Variants in SPOCK3 observed in about 807,000 individuals in gnomAD.
The protein encoded by SPOCK3 is testican-3.
A neutral mutation model predicts 56.6 loss-of-function variants in SPOCK3; 30 were observed. That is an observed-to-expected ratio of 0.53 (90% confidence interval 0.40 to 0.72). The LOEUF is 0.72. Ranked by LOEUF, SPOCK3 falls within the 30% of genes least tolerant of loss-of-function variation. The pLI is 0.00. For missense variants in SPOCK3, 527 were observed against 530.0 expected (o/e 0.99, Z 0.06); for synonymous variants, 196 against 183.3 (o/e 1.07, Z -0.56).
intron 2 of SPOCK3, among the ~76,000 whole-genome samples, chr4:167,073,319 A>G (rs921184895): frequency 2.6e-5 from 4 of 151,826 alleles, no homozygotes; most frequent in Admixed American, 2.6e-4. Context: ...ATTTTCATAT[A>G]GAGTCAACAA....
At chr4:166,795,367 T>A (rs1264649911) in intron 6 of SPOCK3, among the ~76,000 whole-genome samples, 1 of 152,184 alleles carries the variant, frequency 6.6e-6, no homozygotes, top group Middle Eastern at 3.2e-3. Context: ...AAGGTTCATG[T>A]GTAATGAGAA....
chr4:166,754,920 G>T (rs1014414563), intron 7 of SPOCK3, among the ~76,000 whole-genome samples, 191 bp from the exon 8 acceptor site: 4 of 152,010 alleles, frequency 2.6e-5, no homozygotes, highest in Admixed American at 6.6e-5. Context: ...TTTCAGGATA[G>T]TTGTGAGAAT....
At chr4:166,859,793 A>T (rs916966413) in intron 6 of SPOCK3, among the ~76,000 whole-genome samples, 7 of 152,146 alleles carry the variant, frequency 4.6e-5, no homozygotes, top group African/African-American at 1.7e-4. Flanking sequence ...TAAATAGGAC[A>T]CATCTTCAGA....
intron 2 of SPOCK3, among the ~76,000 whole-genome samples, chr4:167,076,900 A>T (rs1369368910): frequency 1.3e-5 from 2 of 152,060 alleles, no homozygotes; most frequent in African/African-American, 4.8e-5. Context: ...CGATTTTTAC[A>T]TCCTTTTAGA....
At chr4:167,150,084 T>C (rs938392866) in intron 2 of SPOCK3, among the ~76,000 whole-genome samples, 3 of 152,126 alleles carry the variant, frequency 2.0e-5, no homozygotes, top group African/African-American at 7.2e-5. Context: ...TAATTTTATT[T>C]TTCAAAGAGA....
At chr4:167,066,228 A>G (rs1018260157) in intron 2 of SPOCK3, among the ~76,000 whole-genome samples, 1 of 151,890 alleles carries the variant, frequency 6.6e-6, no homozygotes, top group Non-Finnish European at 1.5e-5. Context: ...ATAGTTTCTC[A>G]GCCTTGGCAT....
chr4:167,116,909 G>GTATA lies in SPOCK3; in HGVS notation c.190-54373_190-54372insTATA, dbSNP rs1446671235. On this transcript the variant is annotated intron_variant, in intron 2 of 10. Transcript: ENST00000357545. The stretch of plus-strand genomic sequence containing the variant: ...TATACATATATACTTTTGTGTGTGT[G>GTATA]TGTGTATATATATATATATATATAC... Among the ~76,000 whole-genome samples the GTATA allele has an allele frequency of 8.2e-3, 1,011 of 123,470 alleles. 13 individuals are homozygous for GTATA. The highest frequency in any genetic ancestry group is 0.024 in the African/African-American group (865 of 35,570). The allele number at this position is 123,470 out of a possible 152,430, so 81.0% of individuals were successfully genotyped here. A position where few individuals can be genotyped will look rare whatever the true frequency, so the allele number is the denominator to read the frequency against.
At chr4:167,114,710 T>G (rs1332394072) in intron 2 of SPOCK3, among the ~76,000 whole-genome samples, 1 of 152,096 alleles carries the variant, frequency 6.6e-6, no homozygotes, top group African/African-American at 2.4e-5. Context: ...AATAAATAAC[T>G]CTGAGTAATG....
At chr4:166,946,873 G>T (rs945871347) in intron 4 of SPOCK3, among the ~76,000 whole-genome samples, 1 of 152,060 alleles carries the variant, frequency 6.6e-6, no homozygotes, top group Non-Finnish European at 1.5e-5. Flanking sequence ...TACCATAATT[G>T]TCGAATGGAT....
chr4:167,119,844 CTG>C, intron 2 of SPOCK3: 2 of 1,532,548 alleles, frequency 1.3e-6, no homozygotes, highest in Non-Finnish European at 1.7e-6. Flanking sequence ...ATCATCACTA[CTG>C]TCCTGTCAAA....
At chr4:167,117,702 C>G (rs1284335549) in intron 2 of SPOCK3, among the ~76,000 whole-genome samples, 1 of 152,096 alleles carries the variant, frequency 6.6e-6, no homozygotes, top group African/African-American at 2.4e-5. Context: ...AAGGGAGGCT[C>G]TGGGGAGCAA....
At chr4:166,949,595 T>C (rs1252605054) in intron 4 of SPOCK3, among the ~76,000 whole-genome samples, 3 of 152,160 alleles carry the variant, frequency 2.0e-5, no homozygotes, top group South Asian at 2.1e-4. Flanking sequence ...TGGAGTTTCC[T>C]AGAGGTCCAC....
chr4:167,228,604 T>C (rs1283096065), intron 2 of SPOCK3, among the ~76,000 whole-genome samples: 1 of 152,076 alleles, frequency 6.6e-6, no homozygotes, highest in East Asian at 1.9e-4. Context: ...CAAACTTAAA[T>C]CCTGACTGGC....
intron 2 of SPOCK3, among the ~76,000 whole-genome samples, chr4:167,128,407 G>T (rs1345103515): frequency 6.6e-6 from 1 of 152,008 alleles, no homozygotes; most frequent in Non-Finnish European, 1.5e-5. Flanking sequence ...ATGAATTTTG[G>T]GTACACCACC....
At chr4:167,015,882 A>G (rs1750577293) in intron 3 of SPOCK3, among the ~76,000 whole-genome samples, 1 of 152,160 alleles carries the variant, frequency 6.6e-6, no homozygotes, top group Non-Finnish European at 1.5e-5. Context: ...TTACTAAAGA[A>G]CTGCATCTTT....
rs557860804 is a variant in SPOCK3, at chr4:166,903,911, C to G, written c.474+8709G>C. Reference sequence around the variant, plus strand: ...CTCAGATACCCTAAAAATGATATGACAGTCACATTCTATTATTTTATAATT... The same window carrying G: ...CTCAGATACCCTAAAAATGATATGAGAGTCACATTCTATTATTTTATAATT... On this transcript the variant is annotated intron_variant, in intron 5 of 10. Transcript: ENST00000357545. Among the ~76,000 whole-genome samples, 3 of 152,080 alleles carry G rather than the reference C, an allele frequency of 2.0e-5. No individual in the cohort carries two copies. The South Asian group carries it at 6.2e-4, about 32-fold the overall frequency.
chr4:166,835,564 T>TA (rs1746521207), intron 6 of SPOCK3, among the ~76,000 whole-genome samples: 1 of 152,216 alleles, frequency 6.6e-6, no homozygotes. Flanking sequence ...AACTATTTCT[T>TA]AACTAATTTG....
chr4:167,111,564 C>T (rs1192615855), intron 2 of SPOCK3, among the ~76,000 whole-genome samples: 2 of 151,996 alleles, frequency 1.3e-5, no homozygotes, highest in Non-Finnish European at 2.9e-5. Flanking sequence ...AAGTAAATAT[C>T]TCAGCTTATC....
chr4:166,870,932 C>T (rs1213002134), intron 6 of SPOCK3, among the ~76,000 whole-genome samples: 1 of 152,014 alleles, frequency 6.6e-6, no homozygotes, highest in East Asian at 1.9e-4. Flanking sequence ...GTTTTATAAG[C>T]ATCTGGCATT....
Sources: allele counts gnomAD v4.1 joint callset (sites outside exome capture counted in the v4.1 genomes callset), GRCh38; gene constraint gnomAD v4.1.1; transcripts MANE v1.5; gene names NCBI Gene and HGNC (gene_info 2026-07-23, HGNC 2026-07-21).